The following ZCCHC4 variants were observed in gnomAD, a reference collection of about 807,000 sequenced individuals.
The protein encoded by ZCCHC4 is zinc finger CCHC-type containing 4.
In ZCCHC4, 54 loss-of-function variants were observed where a neutral mutation model predicts 67.7. The ratio of observed to expected loss-of-function variants is 0.80; its 90% CI spans 0.64 to 1.00. The LOEUF is 1.00. Ranked by LOEUF, ZCCHC4 falls within the 50% of genes least tolerant of loss-of-function variation. ZCCHC4 has a pLI of 0.00. For synonymous variants in ZCCHC4, 198 were observed against 213.5 expected (o/e 0.93, Z 0.63); for missense variants, 609 against 617.0 (o/e 0.99, Z 0.14).
intron 8 of ZCCHC4, among the ~76,000 whole-genome samples, chr4:25,358,645 T>C (rs1164654090): frequency 1.3e-5 from 2 of 152,250 alleles, no homozygotes; most frequent in Non-Finnish European, 2.9e-5. Flanking sequence ...GAGATGGCTG[T>C]GCTTTAGTCA....
In ZCCHC4 at chr4:25,359,980, A is replaced by T. The variant is rs568036735; in HGVS notation, c.1012-1879A>T. Among the ~76,000 whole-genome samples the T allele has an allele frequency of 2.6e-5, 4 of 152,358 alleles. No homozygotes were observed. Among genetic ancestry groups the T allele is most frequent in the African/African-American group, 9.6e-5 (4 of 41,592 alleles). On this transcript the variant is annotated intron_variant, in intron 8 of 12. Coordinates refer to ENST00000302874, the MANE Select transcript of ZCCHC4 (RefSeq NM_024936.3). The surrounding 1 kb of genome is among the most constrained non-coding windows in gnomAD (Gnocchi z 4.9). ...GATACATTCTGGGGTTGGATATTTT[A>T]CATGACTTGGCAGCTGTGCCGTCTA... is the stretch of plus-strand genomic sequence containing the variant.
At chr4:25,362,721 T>G (rs1404020580) in intron 10 of ZCCHC4, among the ~76,000 whole-genome samples, 1 of 152,258 alleles carries the variant, frequency 6.6e-6, no homozygotes, top group African/African-American at 2.4e-5. Flanking sequence ...GAGCTTTACA[T>G]GGATTAACTC....
intron 3 of ZCCHC4, among the ~76,000 whole-genome samples, chr4:25,321,042 A>G (rs1325155613): frequency 6.6e-6 from 1 of 152,132 alleles, no homozygotes; most frequent in Non-Finnish European, 1.5e-5. Flanking sequence ...CCTTTTGACC[A>G]TATTTGAGTA....
intron 5 of ZCCHC4, among the ~76,000 whole-genome samples, chr4:25,337,815 T>G (rs1719533888): frequency 6.6e-6 from 1 of 152,236 alleles, no homozygotes; most frequent in Non-Finnish European, 1.5e-5. Flanking sequence ...TTAAAAGTTA[T>G]ATAATGATTC....
intron 6 of ZCCHC4, among the ~76,000 whole-genome samples, chr4:25,347,510 C>T (rs1205545024): frequency 1.3e-5 from 2 of 152,194 alleles, no homozygotes; most frequent in Non-Finnish European, 2.9e-5. Flanking sequence ...AATAGCACTG[C>T]AGCTGTAGAG....
intron 3 of ZCCHC4, among the ~76,000 whole-genome samples, chr4:25,328,082 A>G (rs1718984791): frequency 6.6e-6 from 1 of 152,092 alleles, no homozygotes. Context: ...TATTGGGATA[A>G]TGGTGGCCTC....
chr4:25,328,643 G>A (rs1719015405), intron 3 of ZCCHC4, among the ~76,000 whole-genome samples: 1 of 152,056 alleles, frequency 6.6e-6, no homozygotes, highest in African/African-American at 2.4e-5. Context: ...GTGCAGTGGT[G>A]CAATCATGGC....
intron 3 of ZCCHC4, among the ~76,000 whole-genome samples, chr4:25,322,060 T>C (rs1384145754): frequency 6.6e-6 from 1 of 152,128 alleles, no homozygotes; most frequent in Non-Finnish European, 1.5e-5. Context: ...ATAAATCATA[T>C]CTCCATATTG....
At chr4:25,330,351 ATTTT>A (rs1268056978) in intron 3 of ZCCHC4, among the ~76,000 whole-genome samples, 1 of 151,908 alleles carries the variant, frequency 6.6e-6, no homozygotes. Context: ...ACCTGGTAAT[ATTTT>A]ATTGGATACT....
At chr4:25,351,993 T>C (rs1267267797) in intron 8 of ZCCHC4, 6 of 1,037,782 alleles carry the variant, frequency 5.8e-6, no homozygotes, top group Non-Finnish European at 6.9e-6. Context: ...GCGGCTGATT[T>C]AGTCTTTCAT....
chr4:25,322,543 C>G (rs1718637966), intron 3 of ZCCHC4, among the ~76,000 whole-genome samples: 1 of 151,680 alleles, frequency 6.6e-6, no homozygotes, highest in African/African-American at 2.4e-5. Flanking sequence ...GAGACAGAGC[C>G]CCACTGTGTC....
At position 25,361,951 on chromosome 4, in the gene ZCCHC4, A is replaced by G. The variant is rs186902553; in HGVS notation, c.1104A>G (p.Lys368=). The part of the protein sequence containing the change: ...VRIFTNIPPN[K]IILPTEEGYR... ...TTTTCACCAACATTCCGCCCAACAA[A>G]ATAATCCTTCCTACTGAAGAAGGGT... is the stretch of plus-strand genomic sequence containing the variant. Residue 368 remains lysine, a synonymous_variant, in exon 9 of 13, where the codon AAA becomes AAG. Coordinates refer to ENST00000302874, the MANE Select transcript of ZCCHC4 (RefSeq NM_024936.3). The G allele has an allele frequency of 6.6e-5, 106 of 1,614,018 alleles. No homozygotes were observed. The highest frequency in any genetic ancestry group is 5.0e-4 in the Admixed American group (30 of 60,006).
chr4:25,323,887 A>G (rs760030288), intron 3 of ZCCHC4, among the ~76,000 whole-genome samples: 1 of 151,994 alleles, frequency 6.6e-6, no homozygotes, highest in Non-Finnish European at 1.5e-5. Context: ...GCCTGCCCCA[A>G]TATTCTATAT....
intron 10 of ZCCHC4, among the ~76,000 whole-genome samples, chr4:25,362,605 T>C (rs1720790740): frequency 6.6e-6 from 1 of 152,184 alleles, no homozygotes; most frequent in Non-Finnish European, 1.5e-5. Flanking sequence ...AGGACAAAAT[T>C]ATGGTGTTTC....
Position 25,352,769 on chromosome 4 carries a change from C to T in ZCCHC4, c.1011+1080C>T, listed in dbSNP as rs550386330. ...TTGAGTTTTCTGAATAATCGACTAG[C>T]CCCTGATTAAGGCAGAGTTTTAGCT... On this transcript the variant is annotated intron_variant, in intron 8 of 12. Transcript: ENST00000302874. 2.6e-5 allele frequency among the ~76,000 whole-genome samples: 4 copies of T among 152,314 alleles called. No individual in the cohort carries two copies. In the South Asian group the frequency reaches 8.3e-4, roughly 32 times the overall value.
At chr4:25,364,261 A>G (rs895435904) in intron 10 of ZCCHC4, among the ~76,000 whole-genome samples, 193 bp from the exon 11 acceptor site, 5 of 152,194 alleles carry the variant, frequency 3.3e-5, no homozygotes, top group African/African-American at 9.6e-5. Context: ...AGGCCCATCA[A>G]GGAGGCATTT....
At chr4:25,351,391 C>T (rs767338355) in intron 7 of ZCCHC4, among the ~76,000 whole-genome samples, 198 bp from the exon 8 acceptor site, 4 of 151,988 alleles carry the variant, frequency 2.6e-5, no homozygotes, top group Non-Finnish European at 4.4e-5. Context: ...AGCTATATTT[C>T]GATATAAAGG....
chr4:25,324,044 G>A (rs1168980333), intron 3 of ZCCHC4, among the ~76,000 whole-genome samples: 1 of 13,804 alleles, frequency 7.2e-5, no homozygotes, highest in East Asian at 1.2e-3. Flanking sequence ...ACAGAGTCTC[G>A]CTCTGCTGCC....
At chr4:25,356,033 G>T (rs1013065890) in intron 8 of ZCCHC4, among the ~76,000 whole-genome samples, 1 of 152,162 alleles carries the variant, frequency 6.6e-6, no homozygotes, top group Non-Finnish European at 1.5e-5. Flanking sequence ...AATAAATGTT[G>T]ACATGGACGT....
Sources: gnomAD v4.1 joint callset for allele counts (sites outside exome capture counted in the v4.1 genomes callset) on GRCh38, gnomAD v4.1.1 for gene constraint, Gnocchi (gnomAD v3.1) non-coding constraint, MANE v1.5 for transcripts, NCBI Gene and HGNC (gene_info 2026-07-23, HGNC 2026-07-21) for gene names.